Variants in OR51B5 observed in about 807,000 individuals in gnomAD.
OR51B5 encodes olfactory receptor family 51 subfamily B member 5.
For missense variants in OR51B5, 456 were observed against 374.6 expected, an observed-to-expected ratio of 1.22 and a Z score of -1.79; for synonymous variants, 186 against 144.8, an observed-to-expected ratio of 1.28 and a Z score of -2.04.
At chr11:5,440,561 C>A in intron 1 of OR51B5, 1 of 1,605,604 alleles carries the variant, frequency 6.2e-7, no homozygotes, top group South Asian at 1.1e-5. Context: ...TTGGGGCCTT[C>A]AGCCTTCCTC....
intron 1 of OR51B5, among the ~76,000 whole-genome samples, chr11:5,449,867 G>A (rs1422290559): frequency 6.6e-6 from 1 of 152,154 alleles, no homozygotes; most frequent in Admixed American, 6.5e-5. Context: ...CAGCTAAACT[G>A]TAGATGAACA....
chr11:5,439,445 G>A (rs1458191925), intron 1 of OR51B5, among the ~76,000 whole-genome samples: 1 of 152,106 alleles, frequency 6.6e-6, no homozygotes, highest in African/African-American at 2.4e-5. Flanking sequence ...AATCTCTCAA[G>A]ACCTTGTGCC....
rs138205329 is a variant in OR51B5 at position 5,418,761 on chromosome 11, G to A, written n.85-71851C>T. Among the ~76,000 whole-genome samples the A allele has an allele frequency of 5.9e-3, 897 of 151,876 alleles. 13 individuals carry two copies. Among genetic ancestry groups the A allele is most frequent in the African/African-American group, 0.02 (819 of 41,414 alleles). ...GGGGTTAGGGGAGGGATAGCATTAGGAGAAATACCTAATGTAGGTGACGGG... is the reference window on the plus strand; with the variant it reads ...GGGGTTAGGGGAGGGATAGCATTAGAAGAAATACCTAATGTAGGTGACGGG... On this transcript the variant is annotated intron_variant and non_coding_transcript_variant, in intron 1 of 4. Coordinates refer to the OR51B5 transcript ENST00000415970.
intron 1 of OR51B5, among the ~76,000 whole-genome samples, chr11:5,360,681 C>T (rs1431329360): frequency 6.6e-6 from 1 of 151,930 alleles, no homozygotes; most frequent in East Asian, 1.9e-4. Flanking sequence ...GCTATAAAGA[C>T]ACATGCACAT....
intron 1 of OR51B5, chr11:5,422,402 C>G: frequency 1.9e-6 from 3 of 1,614,158 alleles, no homozygotes; most frequent in Non-Finnish European, 2.5e-6. Flanking sequence ...TCTCTCCATG[C>G]TGGCCCTGAC....
chr11:5,487,083 G>A (rs1851509108), intron 1 of OR51B5, among the ~76,000 whole-genome samples: 1 of 152,160 alleles, frequency 6.6e-6, no homozygotes, highest in South Asian at 2.1e-4. Context: ...ACAGTAGGGT[G>A]AGGCAAAAAC....
chr11:5,384,811 G>A (rs1433607989), intron 1 of OR51B5, among the ~76,000 whole-genome samples: 2 of 152,144 alleles, frequency 1.3e-5, no homozygotes, highest in Non-Finnish European at 1.5e-5. Context: ...CAGTATCCAG[G>A]ATATGGCCTT....
chr11:5,435,405 T>C lies in OR51B5; in HGVS notation n.84+70164A>G, dbSNP rs191970611. Among the ~76,000 whole-genome samples the C allele has an allele frequency of 4.4e-4, 67 of 152,346 alleles. No individual in the cohort carries two copies. The Middle Eastern group carries it at 0.02, about 46-fold the overall frequency. The stretch of plus-strand genomic sequence containing the variant: ...ATGTTATTTTCTTGCAGAACACTTA[T>C]GTTAATTTGTAAACATGTATGTACT... On this transcript the variant is annotated intron_variant and non_coding_transcript_variant, in intron 1 of 4. Transcript: ENST00000415970.
intron 1 of OR51B5, among the ~76,000 whole-genome samples, chr11:5,483,394 T>G: frequency 7.4e-6 from 1 of 135,938 alleles, no homozygotes; most frequent in African/African-American, 2.8e-5. Flanking sequence ...CATTGGGAGA[T>G]ATACCTAACG....
chr11:5,417,255 A>C lies in OR51B5; in HGVS notation n.85-70345T>G, dbSNP rs1017660028. Among the ~76,000 whole-genome samples the C allele has an allele frequency of 7.4e-5, 11 of 148,556 alleles. No homozygotes were observed. The South Asian group carries it at 2.4e-3, about 33-fold the overall frequency. On this transcript the variant is annotated intron_variant and non_coding_transcript_variant, in intron 1 of 4. Transcript: ENST00000415970. ...AAAGCTGAAACTGGATCCCTTCCTT[A>C]CACCTTATACAAAAATTAATTCAAG... is the stretch of plus-strand genomic sequence containing the variant.
chr11:5,437,127 C>T (rs1850605400), intron 1 of OR51B5, among the ~76,000 whole-genome samples: 1 of 151,804 alleles, frequency 6.6e-6, no homozygotes. Context: ...GGAGATACTG[C>T]CCTCTCTCCA....
chr11:5,410,665 A>T (rs964604572), intron 1 of OR51B5, among the ~76,000 whole-genome samples: 24 of 152,266 alleles, frequency 1.6e-4, no homozygotes, highest in African/African-American at 5.5e-4. Flanking sequence ...GGAGGTATTC[A>T]AGAATAAGGC....
chr11:5,360,482 C>T (rs1206177418), intron 1 of OR51B5, among the ~76,000 whole-genome samples: 1 of 150,724 alleles, frequency 6.6e-6, no homozygotes, highest in Non-Finnish European at 1.5e-5. Flanking sequence ...ATTAAAAAGT[C>T]AGGAAACAAC....
intron 1 of OR51B5, among the ~76,000 whole-genome samples, chr11:5,418,875 T>TTTAAAAA (rs1850283108): frequency 4.5e-5 from 1 of 22,262 alleles, no homozygotes; most frequent in African/African-American, 9.6e-5. Context: ...CTTGAAGTAT[T>TTTAAAAA]ATAAAAAAAA....
chr11:5,472,546 G>A (rs1228948852), intron 1 of OR51B5, among the ~76,000 whole-genome samples: 1 of 152,196 alleles, frequency 6.6e-6, no homozygotes, highest in East Asian at 1.9e-4. Context: ...CCCTGGTTCT[G>A]CTAAGTCCAA....
At chr11:5,358,466 A>G (rs1375195094) in intron 1 of OR51B5, among the ~76,000 whole-genome samples, 1 of 152,214 alleles carries the variant, frequency 6.6e-6, no homozygotes, top group Non-Finnish European at 1.5e-5. Flanking sequence ...CTCTGAATAG[A>G]CCAATAACAG....
intron 1 of OR51B5, among the ~76,000 whole-genome samples, chr11:5,424,772 C>G (rs77694197): frequency 0.44 from 53,588 of 120,596 alleles, 13,455 homozygotes; most frequent in Non-Finnish European, 0.52. Context: ...ACGACGTCAG[C>G]AGATGGAGAC....
intron 1 of OR51B5, among the ~76,000 whole-genome samples, chr11:5,363,483 C>G (rs1360865184): frequency 6.6e-6 from 1 of 151,888 alleles, no homozygotes; most frequent in Non-Finnish European, 1.5e-5. Flanking sequence ...AAAAGCGCCA[C>G]ACACACAATC....
At chr11:5,505,000 A>G (rs1409504803) in intron 1 of OR51B5, among the ~76,000 whole-genome samples, 1 of 152,216 alleles carries the variant, frequency 6.6e-6, no homozygotes, top group South Asian at 2.1e-4. Flanking sequence ...TTTAGACCCA[A>G]TTCACCTGGT....
Sources: gnomAD v4.1 joint callset for allele counts (sites outside exome capture counted in the v4.1 genomes callset) on GRCh38, gnomAD v4.1.1 for gene constraint, MANE v1.5 for transcripts, NCBI Gene and HGNC (gene_info 2026-07-23, HGNC 2026-07-21) for gene names.